The following SYT1 variants were observed in gnomAD, a reference collection of about 807,000 sequenced individuals.
SYT1 encodes synaptotagmin 1, also known as synaptotagmin-1.
SYT1 carries 8 observed loss-of-function variants against 44.8 expected under a neutral mutation model. The observed-to-expected ratio is 0.18, with a 90% CI of 0.10 to 0.32. The LOEUF (loss-of-function observed/expected upper bound fraction) is 0.32. Among genes scored for constraint, SYT1 ranks in the 10% least tolerant of loss-of-function variants. The pLI is 1.00. For synonymous variants in SYT1, 154 were observed against 188.8 expected (o/e 0.82, Z 1.51); for missense variants, 286 against 509.3 (o/e 0.56, Z 4.22).
At chr12:79,083,177 T>G (rs964972904) in intron 3 of SYT1, among the ~76,000 whole-genome samples, 3 of 152,070 alleles carry the variant, frequency 2.0e-5, no homozygotes, top group Admixed American at 6.6e-5. Context: ...ATATCAAACG[T>G]TAAAGCTCAC....
chr12:79,178,773 T>TTATA (rs1872063771), intron 3 of SYT1, among the ~76,000 whole-genome samples: 1 of 150,598 alleles, frequency 6.6e-6, no homozygotes, highest in African/African-American at 2.4e-5. Flanking sequence ...GTTTATTTAT[T>TTATA]TATATTTATT....
intron 4 of SYT1, among the ~76,000 whole-genome samples, chr12:79,239,848 T>C (rs1876397789): frequency 6.6e-6 from 1 of 152,166 alleles, no homozygotes; most frequent in Middle Eastern, 3.2e-3. Flanking sequence ...ACTGAGACCC[T>C]CAGTTCCTAA....
intron 9 of SYT1, among the ~76,000 whole-genome samples, chr12:79,421,461 A>G (rs568929860): frequency 3.3e-5 from 5 of 152,254 alleles, no homozygotes; most frequent in Non-Finnish European, 1.5e-5. Flanking sequence ...CAAAGGTCAC[A>G]CTTTGGAAAA....
chr12:79,145,325 A>T (rs1051259496), intron 3 of SYT1, among the ~76,000 whole-genome samples: 105 of 152,250 alleles, frequency 6.9e-4, no homozygotes, highest in African/African-American at 2.5e-3. Context: ...TAACATTTTT[A>T]AAAAATATGA....
At chr12:79,190,170 T>C (rs1873027451) in intron 3 of SYT1, among the ~76,000 whole-genome samples, 1 of 152,152 alleles carries the variant, frequency 6.6e-6, no homozygotes, top group African/African-American at 2.4e-5. Flanking sequence ...TTTATATTTC[T>C]TCTTTTCCGA....
intron 8 of SYT1, among the ~76,000 whole-genome samples, chr12:79,341,885 G>T (rs1198656975): frequency 3.3e-5 from 5 of 151,862 alleles, no homozygotes; most frequent in African/African-American, 1.2e-4. Context: ...AGCCAGGATG[G>T]TCTTGATCTC....
At chr12:79,022,451 T>C (rs1235464834) in intron 2 of SYT1, among the ~76,000 whole-genome samples, 1 of 151,764 alleles carries the variant, frequency 6.6e-6, no homozygotes, top group African/African-American at 2.4e-5. Context: ...AAAATCTCAT[T>C]CTCTAACAAT....
chr12:79,332,530 T>C (rs1881901288), intron 8 of SYT1, among the ~76,000 whole-genome samples: 1 of 152,318 alleles, frequency 6.6e-6, no homozygotes, highest in African/African-American at 2.4e-5. Flanking sequence ...CACTAATTAG[T>C]TGCATAACCT....
chr12:79,045,913 C>T (rs1174127722), intron 2 of SYT1: 2 of 151,980 alleles, frequency 1.3e-5, no homozygotes, highest in African/African-American at 4.8e-5. Context: ...AGGTTTTTTT[C>T]CCATATTTCT....
chr12:79,400,456 C>T (rs569828732), intron 9 of SYT1, among the ~76,000 whole-genome samples: 52 of 152,330 alleles, frequency 3.4e-4, no homozygotes, highest in African/African-American at 1.2e-3. Context: ...TCCCTGTCAA[C>T]TGCATTCCAT....
intron 3 of SYT1, among the ~76,000 whole-genome samples, chr12:79,166,101 G>A (rs1393369770): frequency 6.6e-6 from 1 of 151,912 alleles, no homozygotes; most frequent in Admixed American, 6.6e-5. Flanking sequence ...TATTCAAAAC[G>A]TGGAACAGTA....
intron 1 of SYT1, among the ~76,000 whole-genome samples, chr12:78,955,262 C>G (rs1482845260): frequency 6.6e-6 from 1 of 151,688 alleles, no homozygotes; most frequent in Non-Finnish European, 1.5e-5. Flanking sequence ...ACAAGAAAAG[C>G]GTTGCTTGAT....
intron 1 of SYT1, among the ~76,000 whole-genome samples, chr12:78,883,171 CAG>C (rs1874550649): frequency 6.6e-6 from 1 of 151,574 alleles, no homozygotes; most frequent in African/African-American, 2.4e-5. Flanking sequence ...AATGTTATAA[CAG>C]TGAACAATTG....
At chr12:79,217,173 C>T (rs964390236) in intron 3 of SYT1, among the ~76,000 whole-genome samples, 2 of 151,990 alleles carry the variant, frequency 1.3e-5, no homozygotes. Context: ...GTTTCATACA[C>T]GTTTTGGTAA....
At chr12:79,157,654 T>C (rs1479705758) in intron 3 of SYT1, among the ~76,000 whole-genome samples, 2 of 152,114 alleles carry the variant, frequency 1.3e-5, no homozygotes, top group Non-Finnish European at 2.9e-5. Flanking sequence ...GTATTAAGAA[T>C]ATAAGGAAAA....
intron 4 of SYT1, among the ~76,000 whole-genome samples, chr12:79,227,335 AT>A (rs987773340): frequency 6.6e-6 from 1 of 152,012 alleles, no homozygotes; most frequent in African/African-American, 2.4e-5. Flanking sequence ...GTTTTTTAGA[AT>A]TTTTTTTATT....
intron 1 of SYT1, among the ~76,000 whole-genome samples, chr12:78,976,440 AC>A (rs1246159022): frequency 6.6e-6 from 1 of 152,172 alleles, no homozygotes; most frequent in Non-Finnish European, 1.5e-5. Flanking sequence ...GTTTTCCCAA[AC>A]CCTGTAAATT....
intron 4 of SYT1, 88 bp from the exon 5 acceptor site, chr12:79,285,699 A>G (rs908808103): frequency 5.7e-6 from 6 of 1,051,632 alleles, no homozygotes; most frequent in African/African-American, 1.6e-5. Flanking sequence ...TGCAAATGAA[A>G]AAAATGAATA....
chr12:79,101,893 G>A (rs1316348713), intron 3 of SYT1, among the ~76,000 whole-genome samples: 1 of 151,940 alleles, frequency 6.6e-6, no homozygotes, highest in Non-Finnish European at 1.5e-5. Context: ...GTGACAGAGT[G>A]AAACACTTCC....
Sources: gnomAD v4.1 joint callset for allele counts (sites outside exome capture counted in the v4.1 genomes callset) on GRCh38, gnomAD v4.1.1 for gene constraint, MANE v1.5 for transcripts, NCBI Gene and HGNC (gene_info 2026-07-23, HGNC 2026-07-21) for gene names.